LRRC9: variants seen among roughly 807,000 people sequenced by gnomAD.
LRRC9 encodes the protein leucine-rich repeat-containing protein 9.
Under a neutral mutation model 63.2 loss-of-function variants are expected in LRRC9, and 122 were observed. That is an observed-to-expected ratio of 1.93 (90% confidence interval 1.67 to 2.24). LRRC9 has a LOEUF of 2.24. LRRC9 is among the 30% of genes most tolerant of loss of function. The pLI is 0.00. For synonymous variants in LRRC9, 366 were observed against 213.1 expected (o/e 1.72, Z -6.25); for missense variants, 1,071 against 627.7 (o/e 1.71, Z -7.55).
Position 60,053,836 on chromosome 14 carries a change from G to T in LRRC9, c.4131+631G>T, listed in dbSNP as rs1894075633. On this transcript the variant is annotated intron_variant, in intron 30 of 31. Transcript: ENST00000445360. This position sits in a 1 kb window ranked among gnomAD's most constrained non-coding sequence, Gnocchi z 4.8. Reference sequence around the variant, plus strand: ...AGTTTCTTCATGACCATCTTCTAAAGACTAAATTTAACACAGAAAATCTAT... The same window carrying T: ...AGTTTCTTCATGACCATCTTCTAAATACTAAATTTAACACAGAAAATCTAT... The T allele has an allele frequency of 2.3e-6, 1 of 430,178 alleles. No homozygotes were observed. Among genetic ancestry groups the T allele is most frequent in the South Asian group, 1.7e-5 (1 of 58,738 alleles). The allele number at this position is 430,178 out of a possible 1,614,324, so 26.6% of individuals were successfully genotyped here.
In LRRC9 at chr14:60,041,034, A is replaced by G. The variant is rs546895596; in HGVS notation, c.3990+8971A>G. ...CACTTATGAAGCTTAGTTTGGCTGGATATGAAATTCTGGGTTGAAAATTGT... is the reference window on the plus strand; with the variant it reads ...CACTTATGAAGCTTAGTTTGGCTGGGTATGAAATTCTGGGTTGAAAATTGT... On this transcript the variant is annotated intron_variant, in intron 29 of 31. Coordinates refer to ENST00000445360, the Ensembl canonical transcript of LRRC9. 2.0e-5 allele frequency among the ~76,000 whole-genome samples: 3 copies of G among 152,030 alleles called. No homozygotes were observed. The South Asian group carries it at 6.2e-4, about 31-fold the overall frequency.
intron 17 of LRRC9, among the ~76,000 whole-genome samples, chr14:59,997,426 C>G (rs1405028716): frequency 2.0e-5 from 3 of 151,952 alleles, no homozygotes; most frequent in African/African-American, 4.8e-5. Flanking sequence ...CATTGCCACT[C>G]GGTGTTACAA....
chr14:59,957,506 G>C (rs575425849), intron 8 of LRRC9, among the ~76,000 whole-genome samples: 1 of 152,012 alleles, frequency 6.6e-6, no homozygotes, highest in African/African-American at 2.4e-5. Flanking sequence ...CTCTAAACTG[G>C]TTATTCTAGT....
exon 28 of LRRC9, chr14:60,028,101 G>C (rs1891699743): frequency 1.5e-6 from 1 of 687,336 alleles, no homozygotes; most frequent in Non-Finnish European, 2.6e-6. Flanking sequence ...ATAAAATCCA[G>C]GTAACATTAT....
intron 23 of LRRC9, among the ~76,000 whole-genome samples, chr14:60,010,702 G>T (rs900499221): frequency 1.3e-5 from 2 of 151,980 alleles, no homozygotes; most frequent in African/African-American, 4.8e-5. Flanking sequence ...TGAACACTTT[G>T]CCACTTACAA....
intron 5 of LRRC9, 44 bp from the exon 6 acceptor site, chr14:59,931,925 A>G (rs1167161891): frequency 1.4e-6 from 1 of 694,236 alleles, no homozygotes; most frequent in Non-Finnish European, 2.6e-6. Context: ...CAGAATATGA[A>G]CAGAAGGTAA....
rs192450779 is a variant in LRRC9, at chr14:59,988,705, G to A, written c.2211+3481G>A. 8.5e-5 allele frequency among the ~76,000 whole-genome samples: 13 copies of A among 152,176 alleles called. No homozygotes were observed. The East Asian group carries it at 2.5e-3, about 29-fold the overall frequency. On this transcript the variant is annotated intron_variant, in intron 17 of 31. Coordinates refer to ENST00000445360, the Ensembl canonical transcript of LRRC9. ...TACTATAACTATATTGTCACCGCAT[G>A]TAGCCTTATGCTCTGTACACTCTCC...
intron 29 of LRRC9, among the ~76,000 whole-genome samples, chr14:60,050,904 T>A (rs1242155075): frequency 6.6e-6 from 1 of 152,124 alleles, no homozygotes; most frequent in Non-Finnish European, 1.5e-5. Context: ...TGGAGGTATA[T>A]CCAGTGAAGG....
intron 22 of LRRC9, among the ~76,000 whole-genome samples, chr14:60,006,971 T>C (rs1889859816): frequency 6.6e-6 from 1 of 152,176 alleles, no homozygotes; most frequent in Admixed American, 6.5e-5. Flanking sequence ...GATTTGCTTT[T>C]GTTAATTCCC....
rs1889589214 is a variant in LRRC9, at chr14:60,003,823, T to G, written c.2842+25T>G. 1 of 546,512 alleles carries G rather than the reference T, an allele frequency of 1.8e-6. No homozygotes were observed. The highest frequency in any genetic ancestry group is 2.5e-5 in the South Asian group (1 of 40,362). The allele number at this position is 546,512 out of a possible 1,614,324, so 33.9% of individuals were successfully genotyped here. A position where few individuals can be genotyped will look rare whatever the true frequency, so the allele number is the denominator to read the frequency against. On this transcript the variant is annotated intron_variant, in intron 21 of 31. Transcript: ENST00000445360. This position sits in a 1 kb window ranked among gnomAD's most constrained non-coding sequence, Gnocchi z 4.2. ...GGTAAGGTACTTAAGAACTTTGAAGTCTCAAAATATGGGATGTCTAAACAA... is the reference window on the plus strand; with the variant it reads ...GGTAAGGTACTTAAGAACTTTGAAGGCTCAAAATATGGGATGTCTAAACAA...
In LRRC9 at chr14:60,004,692, C is replaced by T. The variant is rs1889667872; in HGVS notation, c.2842+894C>T. The stretch of plus-strand genomic sequence containing the variant: ...TACTAAGTCAAGTATTTTCTGACTC[C>T]TCCCCAGCTTTATTTTATTCTTACC... On this transcript the variant is annotated intron_variant, in intron 21 of 31. Coordinates refer to ENST00000445360, the Ensembl canonical transcript of LRRC9. The surrounding 1 kb of genome is among the most constrained non-coding windows in gnomAD (Gnocchi z 4.8). 6.6e-6 allele frequency among the ~76,000 whole-genome samples: 1 copy of T among 151,938 alleles called. No individual in the cohort carries two copies. The highest frequency in any genetic ancestry group is 1.5e-5 in the Non-Finnish European group (1 of 67,934).
intron 29 of LRRC9, among the ~76,000 whole-genome samples, chr14:60,039,310 A>G (rs1443887704): frequency 6.6e-6 from 1 of 151,942 alleles, no homozygotes; most frequent in Non-Finnish European, 1.5e-5. Flanking sequence ...CTCTTTTTCT[A>G]TTGATTGGAA....
intron 17 of LRRC9, among the ~76,000 whole-genome samples, chr14:59,995,887 T>C (rs1461625284): frequency 6.6e-6 from 1 of 152,028 alleles, no homozygotes; most frequent in African/African-American, 2.4e-5. Flanking sequence ...GGACTACAGG[T>C]ATGCGCCACG....
At chr14:60,040,471 T>C (rs1322258487) in intron 29 of LRRC9, among the ~76,000 whole-genome samples, 9 of 152,002 alleles carry the variant, frequency 5.9e-5, no homozygotes, top group Non-Finnish European at 1.0e-4. Flanking sequence ...ATATGTAGGA[T>C]AGTTAGCTCT....
rs1889558862 is a variant in LRRC9 at position 59,930,006 on chromosome 14, A to G, written c.268-912A>G. Reference sequence around the variant, plus strand: ...CGTGGGTGATAAAGTAATCTGTACAACAAACCCCCATGACAGAAATTTACC... The same window carrying G: ...CGTGGGTGATAAAGTAATCTGTACAGCAAACCCCCATGACAGAAATTTACC... On this transcript the variant is annotated intron_variant, in intron 3 of 31. Transcript: ENST00000445360. This position sits in a 1 kb window ranked among gnomAD's most constrained non-coding sequence, Gnocchi z 4.9. 6.6e-6 allele frequency among the ~76,000 whole-genome samples: 1 copy of G among 152,066 alleles called. No homozygotes were observed. Among genetic ancestry groups the G allele is most frequent in the Admixed American group, 6.6e-5 (1 of 15,230 alleles).
rs1478841576 is a variant in LRRC9 at position 59,923,814 on chromosome 14, G to A, written c.-34+3931G>A. ...AAATTAGCCGGGCGTGGTGGCAGGC[G>A]CCTATAGTTCCAGCGACTCCGAAGG... On this transcript the variant is annotated intron_variant, in intron 1 of 31. Transcript: ENST00000445360. This position sits in a 1 kb window ranked among gnomAD's most constrained non-coding sequence, Gnocchi z 4.2. 6.6e-6 allele frequency among the ~76,000 whole-genome samples: 1 copy of A among 152,102 alleles called. No individual in the cohort carries two copies. The highest frequency in any genetic ancestry group is 1.5e-5 in the Non-Finnish European group (1 of 68,018).
chr14:59,985,758 T>G (rs527988339), intron 17 of LRRC9, among the ~76,000 whole-genome samples: 13 of 152,330 alleles, frequency 8.5e-5, no homozygotes, highest in East Asian at 5.8e-4. Flanking sequence ...ACAGCCTAAA[T>G]CAGCCTAAAT....
intron 29 of LRRC9, among the ~76,000 whole-genome samples, chr14:60,043,588 T>C (rs936367542): frequency 3.3e-5 from 5 of 152,138 alleles, no homozygotes; most frequent in Non-Finnish European, 7.4e-5. Flanking sequence ...TTGTATAACA[T>C]GTTTATTGAT....
At chr14:60,023,131 A>T (rs1430355222) in intron 27 of LRRC9, among the ~76,000 whole-genome samples, 1 of 151,714 alleles carries the variant, frequency 6.6e-6, no homozygotes, top group African/African-American at 2.4e-5. Flanking sequence ...AAAAAACAAT[A>T]AAAAAAACAG....
Sources: gnomAD v4.1 joint callset for allele counts (sites outside exome capture counted in the v4.1 genomes callset) on GRCh38, gnomAD v4.1.1 for gene constraint, Gnocchi (gnomAD v3.1) non-coding constraint, MANE v1.5 for transcripts, NCBI Gene and HGNC (gene_info 2026-07-23, HGNC 2026-07-21) for gene names.